Variants in MLF1 observed in about 807,000 individuals in gnomAD.
MLF1 encodes the protein myeloid leukemia factor 1, also known as myelodysplasia-myeloid leukemia factor 1.
Under a neutral mutation model 38.3 loss-of-function variants are expected in MLF1, and 37 were observed. The ratio of observed to expected loss-of-function variants is 0.96; its 90% CI spans 0.74 to 1.27. The LOEUF is 1.27. Ranked by LOEUF, MLF1 falls within the 50% of genes most tolerant of loss-of-function variation. The pLI, the probability that MLF1 is intolerant of heterozygous loss-of-function variation, is 0.00. For missense variants in MLF1, 331 were observed against 349.2 expected (o/e 0.95, Z 0.42); for synonymous variants, 95 against 106.5 (o/e 0.89, Z 0.66).
At chr3:158,581,328 A>G (rs1716316552) in intron 1 of MLF1, among the ~76,000 whole-genome samples, 1 of 152,214 alleles carries the variant, frequency 6.6e-6, no homozygotes. Context: ...CTTCCAGCAG[A>G]AGAGAGGGGT....
rs551066130 is a variant in MLF1, at chr3:158,583,176, C to T, written c.48-9258C>T. Among the ~76,000 whole-genome samples, 22 of 152,150 alleles carry T rather than the reference C, an allele frequency of 1.4e-4. No individual in the cohort carries two copies. In the South Asian group the frequency reaches 3.1e-3, roughly 22 times the overall value. On this transcript the variant is annotated intron_variant, in intron 1 of 7. Coordinates refer to ENST00000466246, the MANE Select transcript of MLF1 (RefSeq NM_001369783.1). ...AGTAGTTGAAAATGACTGTATATGACGGGAAGAATTTAATTTGCAGTCACT... is the reference window on the plus strand; with the variant it reads ...AGTAGTTGAAAATGACTGTATATGATGGGAAGAATTTAATTTGCAGTCACT...
chr3:158,592,669 G>A, intron 2 of MLF1, 88 bp downstream of exon 2: 1 of 1,057,756 alleles, frequency 9.5e-7, no homozygotes, highest in Non-Finnish European at 1.3e-6. Flanking sequence ...TATAATGATA[G>A]GATATGACTA....
intron 7 of MLF1, among the ~76,000 whole-genome samples, chr3:158,604,408 T>A (rs1028376290): frequency 7.9e-5 from 12 of 152,210 alleles, no homozygotes; most frequent in Middle Eastern, 3.2e-3. Flanking sequence ...ATGCTATATA[T>A]CTATTCTGTC....
chr3:158,581,046 T>C (rs1260395799), intron 1 of MLF1, among the ~76,000 whole-genome samples: 2 of 152,166 alleles, frequency 1.3e-5, no homozygotes, highest in Admixed American at 6.5e-5. Context: ...TTCTTGTATA[T>C]AGCAGAGAAT....
chr3:158,594,569 A>G (rs927978381), intron 3 of MLF1, among the ~76,000 whole-genome samples: 3 of 152,208 alleles, frequency 2.0e-5, no homozygotes, highest in Non-Finnish European at 4.4e-5. Flanking sequence ...AGAAGAGACC[A>G]TAGTGGAGGC....
chr3:158,588,549 C>T (rs1402901674), intron 1 of MLF1, among the ~76,000 whole-genome samples: 1 of 147,690 alleles, frequency 6.8e-6, no homozygotes, highest in Non-Finnish European at 1.5e-5. Context: ...TGCAGTGAGC[C>T]GAGATCGCGC....
intron 1 of MLF1, 91 bp downstream of exon 1, chr3:158,571,438 C>A: frequency 6.7e-7 from 1 of 1,503,238 alleles, no homozygotes; most frequent in Non-Finnish European, 9.2e-7. Context: ...TTTTAGAGGG[C>A]GAGAGAGAAT....
At chr3:158,579,227 T>A (rs1715962750) in intron 1 of MLF1, among the ~76,000 whole-genome samples, 1 of 152,216 alleles carries the variant, frequency 6.6e-6, no homozygotes, top group Admixed American at 6.5e-5. Flanking sequence ...ATTTTTCATT[T>A]GAGAAAAAAA....
chr3:158,596,683 A>T (rs1413707450), intron 3 of MLF1, among the ~76,000 whole-genome samples, 179 bp from the exon 4 acceptor site: 4 of 152,066 alleles, frequency 2.6e-5, no homozygotes, highest in African/African-American at 4.8e-5. Flanking sequence ...TGTATGCTTC[A>T]ATTTTCTCCT....
chr3:158,587,455 A>G (rs949724160), intron 1 of MLF1, among the ~76,000 whole-genome samples: 3 of 152,218 alleles, frequency 2.0e-5, no homozygotes, highest in Admixed American at 2.0e-4. Flanking sequence ...TTGAGACACC[A>G]GTAACCTATC....
chr3:158,605,236 G>A lies in MLF1; in HGVS notation c.*34G>A, dbSNP rs373841165. ...GCATTTGATTTGTTTAGTTTTGATTGTTTTAACAGTTAGTAATGGTGCTGG... is the reference window on the plus strand; with the variant it reads ...GCATTTGATTTGTTTAGTTTTGATTATTTTAACAGTTAGTAATGGTGCTGG... On this transcript the variant is annotated 3_prime_UTR_variant, in exon 8 of 8. Coordinates refer to ENST00000466246, the MANE Select transcript of MLF1 (RefSeq NM_001369783.1). 14 of 1,523,592 alleles carry A rather than the reference G, an allele frequency of 9.2e-6. No individual in the cohort carries two copies. Among genetic ancestry groups the A allele is most frequent in the Middle Eastern group, 1.7e-4 (1 of 5,904 alleles). 94.4% of individuals were successfully genotyped at this position (1,523,592 alleles called of 1,614,324 possible). A position where few individuals can be genotyped will look rare whatever the true frequency, so the allele number is the denominator to read the frequency against.
At chr3:158,587,126 A>G (rs569708320) in intron 1 of MLF1, among the ~76,000 whole-genome samples, 4 of 152,362 alleles carry the variant, frequency 2.6e-5, no homozygotes, top group East Asian at 1.9e-4. Flanking sequence ...TTAATGGGCC[A>G]TGCTTGGGAT....
chr3:158,597,492 ACT>A (rs1411115249), intron 4 of MLF1, among the ~76,000 whole-genome samples: 1 of 152,050 alleles, frequency 6.6e-6, no homozygotes, highest in Non-Finnish European at 1.5e-5. Flanking sequence ...CTATAATAAT[ACT>A]CTCTATATTA....
chr3:158,597,866 G>A (rs567647588), intron 4 of MLF1, among the ~76,000 whole-genome samples: 1 of 152,168 alleles, frequency 6.6e-6, no homozygotes, highest in Non-Finnish European at 1.5e-5. Flanking sequence ...TAAAATGGAC[G>A]ACCGTTAGGA....
At chr3:158,584,658 A>AGTGTGTGTGTGT (rs56885799) in intron 1 of MLF1, among the ~76,000 whole-genome samples, 20 of 134,382 alleles carry the variant, frequency 1.5e-4, no homozygotes, top group Non-Finnish European at 1.8e-4. Flanking sequence ...CCATAAAGAA[A>AGTGTGTGTGTGT]GTGTGTGTGT....
chr3:158,601,057 T>C (rs570363986), intron 6 of MLF1, among the ~76,000 whole-genome samples: 1 of 152,170 alleles, frequency 6.6e-6, no homozygotes, highest in African/African-American at 2.4e-5. Flanking sequence ...TAAAATTTAG[T>C]TGGATTCATC....
At chr3:158,582,219 A>T (rs1008822201) in intron 1 of MLF1, among the ~76,000 whole-genome samples, 2 of 152,088 alleles carry the variant, frequency 1.3e-5, no homozygotes, top group Non-Finnish European at 2.9e-5. Context: ...TTATGGGCTT[A>T]TCAGTGGACT....
intron 6 of MLF1, among the ~76,000 whole-genome samples, chr3:158,600,958 A>C (rs1295111841): frequency 6.6e-6 from 1 of 151,444 alleles, no homozygotes; most frequent in Non-Finnish European, 1.5e-5. Context: ...TAACAAATTT[A>C]ATCATTAAAT....
chr3:158,592,367 T>C lies in MLF1; in HGVS notation c.48-67T>C, dbSNP rs190867639. The C allele has an allele frequency of 3.6e-4, 508 of 1,398,516 alleles. 11 individuals carry two copies. In the East Asian group the frequency reaches 9.4e-3, roughly 26 times the overall value. 86.6% of individuals were successfully genotyped at this position (1,398,516 alleles called of 1,614,324 possible). On this transcript the variant is annotated intron_variant, in intron 1 of 7. Transcript: ENST00000466246. ...TAGCCCAAAATAATTATTTGTAATA[T>C]TTACCTGCCTACTTACTATTTAAAC... is the stretch of plus-strand genomic sequence containing the variant.
Sources: allele counts gnomAD v4.1 joint callset (sites outside exome capture counted in the v4.1 genomes callset), GRCh38; gene constraint gnomAD v4.1.1; transcripts MANE v1.5; gene names NCBI Gene and HGNC (gene_info 2026-07-23, HGNC 2026-07-21).